Variants in PITPNA observed in about 807,000 individuals in gnomAD.
The protein encoded by PITPNA is phosphatidylinositol transfer protein alpha isoform.
PITPNA carries 13 observed loss-of-function variants against 50.3 expected under a neutral mutation model. The ratio of observed to expected loss-of-function variants is 0.26; its 90% confidence interval spans 0.17 to 0.41. The LOEUF is 0.41. PITPNA is among the 10% of genes least tolerant of loss of function. PITPNA has a pLI of 1.00. For missense variants in PITPNA, 207 were observed against 333.4 expected (o/e 0.62, Z 2.95); for synonymous variants, 120 against 119.6 (o/e 1.00, Z -0.02).
chr17:1,521,430 T>TG, intron 11 of PITPNA, 149 bp downstream of exon 11: 1 of 649,592 alleles, frequency 1.5e-6, no homozygotes. Flanking sequence ...AATCTCCTAG[T>TG]GGAAGTGGAG....
chr17:1,560,582 C>T (rs1004891178), intron 1 of PITPNA, among the ~76,000 whole-genome samples: 1 of 152,220 alleles, frequency 6.6e-6, no homozygotes, highest in African/African-American at 2.4e-5. Flanking sequence ...ACTCAGATCT[C>T]CTCTGAAGGT....
chr17:1,518,014 C>T lies in PITPNA; in HGVS notation c.*2547G>A, dbSNP rs548410175. 6.5e-6 allele frequency: 1 copy of T among 152,686 alleles called. No homozygotes were observed. Among genetic ancestry groups the T allele is most frequent in the African/African-American group, 2.4e-5 (1 of 41,542 alleles). 9.5% of individuals were successfully genotyped at this position (152,686 alleles called of 1,614,324 possible). A position where few individuals can be genotyped will look rare whatever the true frequency, so the allele number is the denominator to read the frequency against. On this transcript the variant is annotated 3_prime_UTR_variant, in exon 12 of 12. Transcript: ENST00000313486. ...TTCTGTCTAGGATTTTATTAGACTG[C>T]TTTTTTTCTCAATATACCTGTATTG...
chr17:1,520,589 C>G (rs904860696), intron 11 of PITPNA, 51 bp from the exon 12 acceptor site: 1 of 148,000 alleles, frequency 6.8e-6, no homozygotes, highest in Admixed American at 6.7e-5. Context: ...AACAGAAACA[C>G]TGTAAATCGT....
In PITPNA at chr17:1,553,048, G is replaced by A. The variant is rs578157325; in HGVS notation, c.153C>T (p.Asp51=). 8.7e-6 allele frequency: 14 copies of A among 1,613,838 alleles called. No individual in the cohort carries two copies. The highest frequency in any genetic ancestry group is 1.1e-5 in the Non-Finnish European group (13 of 1,179,854). The change falls in exon 3 of 12, where the codon GAC becomes GAT. Residue 51 remains aspartate (D), a synonymous_variant. Transcript: ENST00000313486. The stretch of plus-strand genomic sequence containing the variant: ...TGTGTGTGTACTGGCCTTTCTCACC[G>A]TCCTTCTCGTAGGGCTCATTCACCA... ...EVLVNEPYEK[D]GEKGQYTHKI...
At chr17:1,543,103 C>A (rs763192422) in intron 4 of PITPNA, 76 bp from the exon 5 acceptor site, 117 of 1,184,290 alleles carry the variant, frequency 9.9e-5, no homozygotes, top group Non-Finnish European at 1.3e-4. Context: ...CCCCCACCCC[C>A]CACAAGGAGG....
rs756150027 is a variant in PITPNA, at chr17:1,535,428, G to A, written c.534+13C>T. 1.2e-6 allele frequency: 2 copies of A among 1,603,640 alleles called. No individual in the cohort carries two copies. The highest frequency in any genetic ancestry group is 1.7e-6 in the Non-Finnish European group (2 of 1,170,512). On this transcript the variant is annotated intron_variant, in intron 8 of 11. Transcript: ENST00000313486. ...GCTGCCCAGCCCCCTGGCAGTGAAG[G>A]TGTGAATGGTACCTTCCAATTGGGG... is the stretch of plus-strand genomic sequence containing the variant.
At chr17:1,525,515 T>G (rs980565680) in intron 10 of PITPNA, among the ~76,000 whole-genome samples, 2 of 147,866 alleles carry the variant, frequency 1.4e-5, no homozygotes, top group Non-Finnish European at 3.0e-5. Context: ...TTTTTTTTTT[T>G]TTTTTTTTTT....
Position 1,525,030 on chromosome 17 carries a change from C to A in PITPNA, c.769-3385G>T, listed in dbSNP as rs189564048. ...TTTGAGACAGAGTCTCGCTCTGTCA[C>A]CCAGGCTGGAGTGCAGAGGCACCAT... is the stretch of plus-strand genomic sequence containing the variant. On this transcript the variant is annotated intron_variant, in intron 10 of 11. Transcript: ENST00000313486. Among the ~76,000 whole-genome samples the A allele has an allele frequency of 2.2e-4, 34 of 151,878 alleles. No individual in the cohort carries two copies. In the East Asian group the frequency reaches 4.5e-3, roughly 20 times the overall value.
chr17:1,542,827 C>A (rs1439837412), intron 5 of PITPNA, among the ~76,000 whole-genome samples, 193 bp downstream of exon 5: 2 of 152,152 alleles, frequency 1.3e-5, no homozygotes, highest in African/African-American at 4.8e-5. Flanking sequence ...GAGCCGCAGG[C>A]CAATGCAGCT....
rs550235053 is a variant in PITPNA at position 1,547,060 on chromosome 17, A to G, written c.289+1236T>C. On this transcript the variant is annotated intron_variant, in intron 4 of 11. Transcript: ENST00000313486. Reference sequence around the variant, plus strand: ...AAGGAAAATGTTATCCATTCACTGAAGAAAAATGAGAAACTTAGGCCAGGC... The same window carrying G: ...AAGGAAAATGTTATCCATTCACTGAGGAAAAATGAGAAACTTAGGCCAGGC... Among the ~76,000 whole-genome samples, 5 of 152,056 alleles carry G rather than the reference A, an allele frequency of 3.3e-5. No individual in the cohort carries two copies. In the South Asian group the frequency reaches 1.0e-3, roughly 32 times the overall value.
At chr17:1,537,489 G>A (rs1268391833) in intron 7 of PITPNA, among the ~76,000 whole-genome samples, 1 of 152,272 alleles carries the variant, frequency 6.6e-6, no homozygotes, top group African/African-American at 2.4e-5. Flanking sequence ...GTGAGCCAAT[G>A]TGCCCAGCCT....
At chr17:1,560,519 GCT>G (rs1368479770) in intron 1 of PITPNA, among the ~76,000 whole-genome samples, 4 of 152,208 alleles carry the variant, frequency 2.6e-5, no homozygotes, top group Non-Finnish European at 5.9e-5. Context: ...TCCCTTGCAG[GCT>G]TCAAGGGGAG....
chr17:1,524,247 T>C (rs1191726090), intron 10 of PITPNA, among the ~76,000 whole-genome samples: 10 of 150,672 alleles, frequency 6.6e-5, no homozygotes, highest in South Asian at 2.1e-4. Context: ...GGTTTCACCA[T>C]GTTAGCCAGG....
intron 6 of PITPNA, among the ~76,000 whole-genome samples, chr17:1,540,606 T>C (rs79161455): frequency 6.7e-6 from 1 of 150,120 alleles, no homozygotes; most frequent in Non-Finnish European, 1.5e-5. Flanking sequence ...TTTTTTTTTT[T>C]AAGACAGTGT....
rs112294153 is a variant in PITPNA at position 1,561,599 on chromosome 17, A to G, written c.20+942T>C. ...GCCTTCTCCACTTCGGACCCTACCC[A>G]ACATTTTCTGGCCTCCTCGCCCAAG... is the stretch of plus-strand genomic sequence containing the variant. On this transcript the variant is annotated intron_variant, in intron 1 of 11. Transcript: ENST00000313486. Among the ~76,000 whole-genome samples the G allele has an allele frequency of 3.7e-3, 565 of 152,050 alleles. 2 individuals carry two copies. The highest frequency in any genetic ancestry group is 0.012 in the African/African-American group (517 of 41,454).
intron 4 of PITPNA, among the ~76,000 whole-genome samples, chr17:1,544,030 C>T (rs1369092375): frequency 9.2e-5 from 14 of 152,244 alleles, no homozygotes; most frequent in Admixed American, 9.2e-4. Flanking sequence ...AGCGCCATCC[C>T]TGGAGTGGGG....
intron 4 of PITPNA, among the ~76,000 whole-genome samples, chr17:1,547,112 C>A (rs1331709673): frequency 6.6e-6 from 1 of 150,794 alleles, no homozygotes. Context: ...GTAATGCCAG[C>A]ACTTTGGGAG....
intron 2 of PITPNA, among the ~76,000 whole-genome samples, chr17:1,555,427 C>A (rs2075730301): frequency 6.6e-6 from 1 of 152,156 alleles, no homozygotes; most frequent in Admixed American, 6.5e-5. Context: ...AGCTGCTCTG[C>A]CCCCTGGGAA....
intron 3 of PITPNA, among the ~76,000 whole-genome samples, chr17:1,552,665 G>C (rs1313956012): frequency 6.6e-6 from 1 of 152,154 alleles, no homozygotes; most frequent in Non-Finnish European, 1.5e-5. Context: ...GATTATGTAG[G>C]CATCTGGAAA....
Sources: allele counts gnomAD v4.1 joint callset (sites outside exome capture counted in the v4.1 genomes callset), GRCh38; gene constraint gnomAD v4.1.1; transcripts MANE v1.5; gene names NCBI Gene and HGNC (gene_info 2026-07-23, HGNC 2026-07-21).